PIK3R5: variants seen among roughly 807,000 people sequenced by gnomAD.
The protein encoded by PIK3R5 is phosphoinositide-3-kinase regulatory subunit 5, also known as phosphoinositide 3-kinase regulatory subunit 5.
PIK3R5 carries 32 observed loss-of-function variants against 94.9 expected under a neutral mutation model. That is an observed-to-expected ratio of 0.34 (90% CI 0.25 to 0.45). PIK3R5 has a LOEUF of 0.45. PIK3R5 is among the 20% of genes least tolerant of loss of function. PIK3R5 has a pLI of 1.00. For missense variants in PIK3R5, 853 were observed against 1,144.6 expected, an observed-to-expected ratio of 0.75 and a Z score of 3.68; for synonymous variants, 443 against 479.4, an observed-to-expected ratio of 0.92 and a Z score of 0.99.
intron 14 of PIK3R5, among the ~76,000 whole-genome samples, chr17:8,885,886 C>CA (rs2089831504): frequency 9.6e-6 from 1 of 104,510 alleles, no homozygotes. Flanking sequence ...CCCTGCCTCC[C>CA]GGTAACCCTG....
At chr17:8,926,899 G>A (rs992769403) in intron 1 of PIK3R5, among the ~76,000 whole-genome samples, 3 of 151,348 alleles carry the variant, frequency 2.0e-5, no homozygotes, top group Non-Finnish European at 4.4e-5. Flanking sequence ...TTATCACATA[G>A]ATAACAGAGG....
intron 1 of PIK3R5, among the ~76,000 whole-genome samples, chr17:8,959,825 TG>T (rs1432475313): frequency 7.9e-5 from 12 of 152,328 alleles, no homozygotes; most frequent in East Asian, 7.7e-4. Context: ...TCAGGGCTTC[TG>T]AACCCTCCCA....
chr17:8,907,978 T>A (rs1428217289), intron 3 of PIK3R5, among the ~76,000 whole-genome samples: 1 of 152,230 alleles, frequency 6.6e-6, no homozygotes, highest in Non-Finnish European at 1.5e-5. Flanking sequence ...GCAAAGTTTG[T>A]CTCATTATGG....
At chr17:8,953,937 T>C (rs1021455150) in intron 1 of PIK3R5, among the ~76,000 whole-genome samples, 5 of 152,210 alleles carry the variant, frequency 3.3e-5, no homozygotes, top group Admixed American at 1.3e-4. Context: ...TTCTCAGATA[T>C]GCACGGAGAG....
Position 8,909,392 on chromosome 17 carries a change from C to A in PIK3R5, c.104-218G>T, listed in dbSNP as rs1019116240. On this transcript the variant is annotated intron_variant, in intron 2 of 18. Transcript: ENST00000447110. The surrounding 1 kb of genome is among the most constrained non-coding windows in gnomAD (Gnocchi z 4.3). ...GCAACCTCTGCCTCCCGGGTTCAAG[C>A]GATTCCCCTGCCTCAGCCTCCCAAG... Among the ~76,000 whole-genome samples, 1 of 151,990 alleles carries A rather than the reference C, an allele frequency of 6.6e-6. No homozygotes were observed. Among genetic ancestry groups the A allele is most frequent in the East Asian group, 1.9e-4 (1 of 5,176 alleles).
rs187930185 is a variant in PIK3R5 at position 8,937,613 on chromosome 17, G to C, written c.-13-26106C>G. On this transcript the variant is annotated intron_variant, in intron 1 of 18. Transcript: ENST00000447110. ...AGCTGTGATCTATAATTCTTTTCGT[G>C]TATCGTTGGATTCAATTTGCTAATG... is the stretch of plus-strand genomic sequence containing the variant. Among the ~76,000 whole-genome samples the C allele has an allele frequency of 1.6e-3, 248 of 152,178 alleles. 1 individual carries two copies. The highest frequency in any genetic ancestry group is 5.7e-3 in the African/African-American group (235 of 41,512).
intron 1 of PIK3R5, among the ~76,000 whole-genome samples, chr17:8,954,796 G>A (rs1026227851): frequency 2.0e-5 from 3 of 152,012 alleles, no homozygotes; most frequent in Non-Finnish European, 2.9e-5. Context: ...AATTAGCCTG[G>A]TGTAGTGGCG....
intron 3 of PIK3R5, among the ~76,000 whole-genome samples, chr17:8,907,941 C>T (rs550622264): frequency 6.6e-6 from 1 of 152,262 alleles, no homozygotes; most frequent in Admixed American, 6.5e-5. Context: ...CCTGGCCTTA[C>T]CTTTTGTTTT....
At position 8,889,899 on chromosome 17, in the gene PIK3R5, C is replaced by A; in HGVS notation, c.811+74G>T. ...TGTGGAGCAGAGCCACCAGGCCCGC[C>A]TGGACCGTGCACCTTGGGACCTAGA... is the stretch of plus-strand genomic sequence containing the variant. On this transcript the variant is annotated intron_variant, in intron 8 of 18. Coordinates refer to ENST00000447110, the MANE Select transcript of PIK3R5 (RefSeq NM_001142633.3). The surrounding 1 kb of genome is among the most constrained non-coding windows in gnomAD (Gnocchi z 4.1). 1.3e-6 allele frequency: 2 copies of A among 1,547,510 alleles called. No homozygotes were observed. Among genetic ancestry groups the A allele is most frequent in the Non-Finnish European group, 1.8e-6 (2 of 1,125,468 alleles).
In PIK3R5 at chr17:8,961,131, G is replaced by A. The variant is rs549095578; in HGVS notation, c.-14+4465C>T. Among the ~76,000 whole-genome samples, 175 of 152,284 alleles carry A rather than the reference G, an allele frequency of 1.1e-3. 1 individual carries two copies. The highest frequency in any genetic ancestry group is 3.9e-3 in the African/African-American group (164 of 41,546). ...ATCAGGGAAGGATTCAGAAGATGAG[G>A]CTTGAGCTGGGCTTCTAGGAGGAAC... On this transcript the variant is annotated intron_variant, in intron 1 of 18. Coordinates refer to ENST00000447110, the MANE Select transcript of PIK3R5 (RefSeq NM_001142633.3).
chr17:8,888,132 T>C lies in PIK3R5; in HGVS notation c.1616+39A>G. Reference sequence around the variant, plus strand: ...GATTCCACCAGCACAACAACCCTGTTACCCAGGGCAGAGGGATGCTCCGCA... The same window carrying C: ...GATTCCACCAGCACAACAACCCTGTCACCCAGGGCAGAGGGATGCTCCGCA... On this transcript the variant is annotated intron_variant, in intron 10 of 18. Coordinates refer to ENST00000447110, the MANE Select transcript of PIK3R5 (RefSeq NM_001142633.3). This position sits in a 1 kb window ranked among gnomAD's most constrained non-coding sequence, Gnocchi z 7.8. 3 of 1,600,376 alleles carry C rather than the reference T, an allele frequency of 1.9e-6. No individual in the cohort carries two copies. The East Asian group carries it at 6.7e-5, about 36-fold the overall frequency.
chr17:8,914,519 A>G lies in PIK3R5; in HGVS notation c.-13-3012T>C, dbSNP rs1374278515. Among the ~76,000 whole-genome samples, 5 of 152,200 alleles carry G rather than the reference A, an allele frequency of 3.3e-5. No homozygotes were observed. In the East Asian group the frequency reaches 9.6e-4, roughly 29 times the overall value. ...CAGTGACCCGCCAATCCCTGTCATA[A>G]GATTGGGAAGAGAAAAAGGGTTGTC... On this transcript the variant is annotated intron_variant, in intron 1 of 18. Transcript: ENST00000447110.
At position 8,890,991 on chromosome 17, in the gene PIK3R5, G is replaced by A; in HGVS notation, c.483-79C>T. On this transcript the variant is annotated intron_variant, in intron 6 of 18. Transcript: ENST00000447110. This position sits in a 1 kb window ranked among gnomAD's most constrained non-coding sequence, Gnocchi z 6.1. Reference sequence around the variant, plus strand: ...TGCAGCCACCCCCCTCGTGCCTGCTGGTGCTCAGCTCCACTGAGACCAGGG... The same window carrying A: ...TGCAGCCACCCCCCTCGTGCCTGCTAGTGCTCAGCTCCACTGAGACCAGGG... 7.2e-7 allele frequency: 1 copy of A among 1,392,238 alleles called. No individual in the cohort carries two copies. Among genetic ancestry groups the A allele is most frequent in the Non-Finnish European group, 9.8e-7 (1 of 1,020,678 alleles). The allele number at this position is 1,392,238 out of a possible 1,614,324, so 86.2% of individuals were successfully genotyped here.
At chr17:8,906,376 C>CT in intron 3 of PIK3R5, among the ~76,000 whole-genome samples, 1 of 152,180 alleles carries the variant, frequency 6.6e-6, no homozygotes, top group South Asian at 2.1e-4. Flanking sequence ...CTAAGACCAC[C>CT]TTTTTTCCCT....
chr17:8,887,143 G>A lies in PIK3R5; in HGVS notation c.1858C>T (p.Arg620Cys), dbSNP rs971197947. 2.5e-6 allele frequency: 4 copies of A among 1,613,844 alleles called. No homozygotes were observed. The highest frequency in any genetic ancestry group is 3.4e-6 in the Non-Finnish European group (4 of 1,179,982). Residue 620 changes from arginine to cysteine, a missense_variant, in exon 12 of 19, where the codon CGC becomes TGC. Arg to Cys is a radical substitution (Grantham distance 180). Transcript: ENST00000447110. The part of the protein sequence containing the change: ...YLGMLDPWYE[R>C]NVLGLMHLPP... ...AGGTGCATGAGGCCCAGTACATTGC[G>A]CTCATACCAGGGGTCCAGCATGCCG...
Position 8,889,506 on chromosome 17 carries a change from A to C in PIK3R5, c.812-284T>G, listed in dbSNP as rs904727213. 6.6e-6 allele frequency among the ~76,000 whole-genome samples: 1 copy of C among 152,204 alleles called. No individual in the cohort carries two copies. Among genetic ancestry groups the C allele is most frequent in the East Asian group, 1.9e-4 (1 of 5,194 alleles). On this transcript the variant is annotated intron_variant, in intron 8 of 18. Transcript: ENST00000447110. This position sits in a 1 kb window ranked among gnomAD's most constrained non-coding sequence, Gnocchi z 4.1. ...TTTACAATGTGCCCATGGGAGAATA[A>C]TAGTACTAGCCCAGAAGGTTTTTAT... is the stretch of plus-strand genomic sequence containing the variant.
chr17:8,928,182 T>C (rs1464844531), intron 1 of PIK3R5, among the ~76,000 whole-genome samples: 1 of 152,212 alleles, frequency 6.6e-6, no homozygotes, highest in Non-Finnish European at 1.5e-5. Flanking sequence ...CTAACATTCA[T>C]GTGATTGGAG....
chr17:8,947,149 A>C (rs1374078443), intron 1 of PIK3R5, among the ~76,000 whole-genome samples: 1 of 145,778 alleles, frequency 6.9e-6, no homozygotes, highest in Non-Finnish European at 1.5e-5. Context: ...TCTCGTGTGC[A>C]TCAAAAAATG....
intron 1 of PIK3R5, among the ~76,000 whole-genome samples, chr17:8,917,483 T>C (rs751555573): frequency 4.6e-5 from 7 of 152,222 alleles, no homozygotes; most frequent in Non-Finnish European, 7.3e-5. Context: ...TTTGACTGGA[T>C]ACTGGTCAAA....
Sources: gnomAD v4.1 joint callset for allele counts (sites outside exome capture counted in the v4.1 genomes callset) on GRCh38, gnomAD v4.1.1 for gene constraint, Gnocchi (gnomAD v3.1) non-coding constraint, MANE v1.5 for transcripts, NCBI Gene and HGNC (gene_info 2026-07-23, HGNC 2026-07-21) for gene names.